Variants in XIRP2 observed in about 807,000 individuals in gnomAD.
XIRP2 encodes xin actin binding repeat containing 2, also known as xin actin-binding repeat-containing protein 2.
In XIRP2, 236 loss-of-function variants were observed where a neutral mutation model predicts 277.0. The ratio of observed to expected loss-of-function variants is 0.85; its 90% CI spans 0.77 to 0.95. The LOEUF (loss-of-function observed/expected upper bound fraction) is 0.95, where lower values mean the gene tolerates loss of function less well. Ranked by LOEUF, XIRP2 falls within the 40% of genes least tolerant of loss-of-function variation. The pLI is 0.00. For missense variants in XIRP2, 4,640 were observed against 4,157.5 expected, an observed-to-expected ratio of 1.12 and a Z score of -3.19; for synonymous variants, 1,490 against 1,416.5, an observed-to-expected ratio of 1.05 and a Z score of -1.17.
rs79052277 is a variant in XIRP2 at position 167,050,811 on chromosome 2, A to AT, written c.409-85086dup. ...TATGAATATTGAGCACTGCTGGCAC[A>AT]TTTTTTTTTTTTAATAATTGCCCTT... On this transcript the variant is annotated intron_variant, in intron 2 of 10. Transcript: ENST00000409195. Among the ~76,000 whole-genome samples the AT allele has an allele frequency of 7.2e-3, 1,067 of 148,536 alleles. 32 individuals carry two copies. In the East Asian group the frequency reaches 0.096, roughly 13 times the overall value.
chr2:166,943,200 C>T (rs1685766452), intron 2 of XIRP2, among the ~76,000 whole-genome samples: 1 of 151,678 alleles, frequency 6.6e-6, no homozygotes, highest in Non-Finnish European at 1.5e-5. Flanking sequence ...TTATCATAGG[C>T]CTAATAATAT....
intron 2 of XIRP2, among the ~76,000 whole-genome samples, chr2:167,054,305 A>G (rs1177532007): frequency 6.6e-6 from 1 of 152,242 alleles, no homozygotes. Context: ...GTTCCTTGAT[A>G]GAAAGCATCT....
Position 167,249,329 on chromosome 2 carries a change from TAG to T in XIRP2, c.7938_7939del (p.Leu2646PhefsTer8), listed in dbSNP as rs746323255. 6.2e-7 allele frequency: 1 copy of T among 1,613,818 alleles called. No individual in the cohort carries two copies. Among genetic ancestry groups the T allele is most frequent in the Non-Finnish European group, 8.5e-7 (1 of 1,179,832 alleles). ...GCTGCCAAGAGGCTCCACCATGTTT[TAG>T]CAGCTTCAGAAGACAAAGATAAGAT... is the stretch of plus-strand genomic sequence containing the variant. On this transcript the variant is annotated frameshift_variant, in exon 9 of 11. Coordinates refer to ENST00000409195, the MANE Select transcript of XIRP2 (RefSeq NM_152381.6). LOFTEE classifies it high-confidence loss of function.
Position 167,218,206 on chromosome 2 carries a change from T to C in XIRP2, c.764T>C (p.Leu255Ser). ...ESEMCAVPGG[L>S]AKVKKQFEDE... is the part of the protein sequence containing the mutation. The stretch of plus-strand genomic sequence containing the variant: ...GAAATGTGCGCAGTGCCTGGTGGTT[T>C]GGCCAAGGTGAAGAAACAATTTGAG... The change falls in exon 5 of 11, where the codon TTG becomes TCG. Residue 255 changes from leucine to serine, a missense_variant. Transcript: ENST00000409195. 1 of 1,606,932 alleles carries C rather than the reference T, an allele frequency of 6.2e-7. No homozygotes were observed. Among genetic ancestry groups the C allele is most frequent in the East Asian group, 2.2e-5 (1 of 44,672 alleles).
chr2:167,007,703 T>TCTCTCTCACA (rs1389098863), intron 2 of XIRP2, among the ~76,000 whole-genome samples: 1 of 130,066 alleles, frequency 7.7e-6, no homozygotes, highest in East Asian at 2.5e-4. Context: ...TCTCTCTCTC[T>TCTCTCTCACA]CACACACACA....
In XIRP2 at chr2:167,218,318, G is replaced by GATGGGTAA. The variant is rs1559026096; in HGVS notation, c.858+21_858+28dup. ...CTGAGCAGGTAATACTACTACAGGT[G>GATGGGTAA]ATGGGTAAATCAGGCATGGTTGAAA... On this transcript the variant is annotated intron_variant, in intron 5 of 10. Coordinates refer to ENST00000409195, the MANE Select transcript of XIRP2 (RefSeq NM_152381.6). 1.4e-6 allele frequency: 2 copies of GATGGGTAA among 1,436,846 alleles called. No homozygotes were observed. The highest frequency in any genetic ancestry group is 2.9e-5 in the African/African-American group (2 of 69,574). The allele number at this position is 1,436,846 out of a possible 1,614,324, so 89.0% of individuals were successfully genotyped here. A position where few individuals can be genotyped will look rare whatever the true frequency, so the allele number is the denominator to read the frequency against.
intron 2 of XIRP2, among the ~76,000 whole-genome samples, chr2:166,912,986 CG>C (rs1684754411): frequency 6.6e-6 from 1 of 152,162 alleles, no homozygotes; most frequent in African/African-American, 2.4e-5. Context: ...GAGGGTTACT[CG>C]GCCGTGTGAG....
intron 2 of XIRP2, among the ~76,000 whole-genome samples, chr2:167,074,289 A>T (rs1014812199): frequency 1.3e-5 from 2 of 152,134 alleles, no homozygotes; most frequent in East Asian, 1.9e-4. Flanking sequence ...AATGCTAATT[A>T]TTATTGTGTC....
intron 4 of XIRP2, among the ~76,000 whole-genome samples, chr2:167,215,601 A>T (rs1418619883): frequency 6.6e-6 from 1 of 152,176 alleles, no homozygotes; most frequent in African/African-American, 2.4e-5. Flanking sequence ...GAAACCTCTC[A>T]GCTCCTGGGT....
intron 2 of XIRP2, among the ~76,000 whole-genome samples, chr2:166,971,358 G>A (rs956286056): frequency 6.6e-6 from 1 of 151,816 alleles, no homozygotes; most frequent in African/African-American, 2.4e-5. Context: ...AATTTTTCAG[G>A]AGATACTTTG....
chr2:167,251,134 G>T lies in XIRP2; in HGVS notation c.9742G>T (p.Ala3248Ser). The change falls in exon 9 of 11, where the codon GCT becomes TCT. Residue 3248 changes from alanine (A) to serine (S), a missense_variant. Physicochemically the swap from Ala to Ser is moderately conservative, Grantham distance 99 (BLOSUM62 1). Coordinates refer to ENST00000409195, the MANE Select transcript of XIRP2 (RefSeq NM_152381.6). Reference sequence around the variant, plus strand: ...AATACCAGTAAATATAAATCATGCTGCTAGTGGTTCCTTCAGAGAATCTGT... The same window carrying T: ...AATACCAGTAAATATAAATCATGCTTCTAGTGGTTCCTTCAGAGAATCTGT... ...ITIPVNINHA[A>S]SGSFRESVDA... is the part of the protein sequence containing the mutation. The T allele has an allele frequency of 6.2e-7, 1 of 1,613,476 alleles. No individual in the cohort carries two copies. Among genetic ancestry groups the T allele is most frequent in the Non-Finnish European group, 8.5e-7 (1 of 1,179,744 alleles).
At chr2:167,226,746 A>G (rs940511780) in intron 5 of XIRP2, among the ~76,000 whole-genome samples, 1 of 152,058 alleles carries the variant, frequency 6.6e-6, no homozygotes, top group Non-Finnish European at 1.5e-5. Flanking sequence ...AGTGGTAGCA[A>G]GTTTCGAAGA....
intron 2 of XIRP2, among the ~76,000 whole-genome samples, chr2:167,092,348 T>G (rs1690171767): frequency 6.6e-6 from 1 of 152,244 alleles, no homozygotes; most frequent in African/African-American, 2.4e-5. Flanking sequence ...GCAAGTGGTA[T>G]TTTCATGCTT....
At chr2:167,079,845 C>T (rs75761139) in intron 2 of XIRP2, among the ~76,000 whole-genome samples, 1,999 of 151,998 alleles carry the variant, frequency 0.013, 20 homozygotes, top group Middle Eastern at 0.034. Flanking sequence ...CCATTCTGCT[C>T]TGATTTGGGT....
intron 2 of XIRP2, among the ~76,000 whole-genome samples, chr2:167,121,322 G>A (rs998847346): frequency 6.6e-6 from 1 of 151,984 alleles, no homozygotes; most frequent in African/African-American, 2.4e-5. Context: ...TTTGAATACA[G>A]TAATTCATTT....
At chr2:167,029,656 C>T (rs1038364054) in intron 2 of XIRP2, among the ~76,000 whole-genome samples, 4 of 151,838 alleles carry the variant, frequency 2.6e-5, no homozygotes, top group South Asian at 2.1e-4. Flanking sequence ...GGTATATTGG[C>T]GTGAAATTTT....
At chr2:167,051,373 T>C (rs1359502769) in intron 2 of XIRP2, among the ~76,000 whole-genome samples, 1 of 152,128 alleles carries the variant, frequency 6.6e-6, no homozygotes, top group Non-Finnish European at 1.5e-5. Flanking sequence ...GCATGGTACA[T>C]ATAAAAGTAA....
intron 2 of XIRP2, among the ~76,000 whole-genome samples, chr2:167,007,626 T>C (rs1687537995): frequency 6.6e-6 from 1 of 150,832 alleles, no homozygotes; most frequent in Non-Finnish European, 1.5e-5. Flanking sequence ...GTACATGTCT[T>C]AAACAAAATC....
At chr2:166,897,284 C>G (rs1684268916) in intron 1 of XIRP2, among the ~76,000 whole-genome samples, 1 of 152,164 alleles carries the variant, frequency 6.6e-6, no homozygotes, top group South Asian at 2.1e-4. Context: ...AAGACTAGCA[C>G]TCAGTGGCCC....
Sources: gnomAD v4.1 joint callset for allele counts (sites outside exome capture counted in the v4.1 genomes callset) on GRCh38, gnomAD v4.1.1 for gene constraint, MANE v1.5 for transcripts, NCBI Gene and HGNC (gene_info 2026-07-23, HGNC 2026-07-21) for gene names.